Variants in C19orf84 observed in about 807,000 individuals in gnomAD.
The protein encoded by C19orf84 is piRNA-mediated silencing protein C19orf84.
In C19orf84, 1 loss-of-function variant was observed where a neutral mutation model predicts 4.0. The ratio of observed to expected loss-of-function variants is 0.25; its 90% CI spans 0.09 to 1.19. The LOEUF is 1.19. Ranked by LOEUF, C19orf84 falls within the 50% of genes most tolerant of loss-of-function variation. C19orf84 has a pLI of 0.50. For missense variants in C19orf84, 224 were observed against 246.8 expected (o/e 0.91, Z 0.62); for synonymous variants, 123 against 109.6 (o/e 1.12, Z -0.76).
rs557494220 is a variant in C19orf84, at chr19:51,389,257, C to T, written c.288G>A (p.Pro96=). Residue 96 remains proline (P), a synonymous_variant, in exon 2 of 2, where the codon CCG becomes CCA. Coordinates refer to ENST00000574814, the MANE Select transcript of C19orf84 (RefSeq NM_001193623.2). This position sits in a 1 kb window ranked among gnomAD's most constrained non-coding sequence, Gnocchi z 4.7. ...CCCTGGGAGGCCTCCTAACTGCCCC[C>T]GGCTGGGAGTGGCCTGCCTGGGAGC... ...PCCSQAGHSQ[P]GAVRRPPRGR... is the part of the protein sequence containing the mutation. 9.1e-6 allele frequency: 14 copies of T among 1,535,502 alleles called. No individual in the cohort carries two copies. The highest frequency in any genetic ancestry group is 2.4e-5 in the South Asian group (2 of 84,020).
chr19:51,388,926 G>C lies in C19orf84; in HGVS notation c.*58C>G. The C allele has an allele frequency of 6.6e-7, 1 of 1,517,122 alleles. No individual in the cohort carries two copies. Among genetic ancestry groups the C allele is most frequent in the African/African-American group, 1.4e-5 (1 of 72,544 alleles). The allele number at this position is 1,517,122 out of a possible 1,614,324, so 94.0% of individuals were successfully genotyped here. A position where few individuals can be genotyped will look rare whatever the true frequency, so the allele number is the denominator to read the frequency against. On this transcript the variant is annotated 3_prime_UTR_variant, in exon 2 of 2. Coordinates refer to ENST00000574814, the MANE Select transcript of C19orf84 (RefSeq NM_001193623.2). ...TTCTGACAGGGCTGAGATCACTCTG[G>C]GCCCCAGGAAAACCCTCCTGGGTGA... is the stretch of plus-strand genomic sequence containing the variant.
chr19:51,390,507 T>G lies in C19orf84; in HGVS notation c.6A>C (p.Glu2Asp). ...CAGGCCCAGCCCCGTCCTTTGGTTG[T>G]TCCATCTCCACTGGGGCCCTCTTAC... Reference protein sequence around the residue: MEQPKDGAGPEG... With the variant: MDQPKDGAGPEG... The change falls in exon 1 of 2, where the codon GAA becomes GAC. Residue 2 changes from glutamate to aspartate, a missense_variant. Physicochemically the swap from Glu to Asp is conservative, Grantham distance 45 (BLOSUM62 2). Transcript: ENST00000574814. 1 of 1,532,448 alleles carries G rather than the reference T, an allele frequency of 6.5e-7. No homozygotes were observed. Among genetic ancestry groups the G allele is most frequent in the Non-Finnish European group, 8.7e-7 (1 of 1,144,994 alleles). The allele number at this position is 1,532,448 out of a possible 1,614,324, so 94.9% of individuals were successfully genotyped here. A position where few individuals can be genotyped will look rare whatever the true frequency, so the allele number is the denominator to read the frequency against.
At position 51,389,594 on chromosome 19, in the gene C19orf84, G is replaced by T. The variant is rs987208288; in HGVS notation, c.36-85C>A. On this transcript the variant is annotated intron_variant, in intron 1 of 1. Transcript: ENST00000574814. This position sits in a 1 kb window ranked among gnomAD's most constrained non-coding sequence, Gnocchi z 4.7. ...GCTGCCAGGCTGTCTCTGCACCTCT[G>T]CAGAAGGCAGCCATCTCTCCATCCT... 3 of 1,178,918 alleles carry T rather than the reference G, an allele frequency of 2.5e-6. No individual in the cohort carries two copies. The highest frequency in any genetic ancestry group is 3.3e-6 in the Non-Finnish European group (3 of 910,642). 73.0% of individuals were successfully genotyped at this position (1,178,918 alleles called of 1,614,324 possible).
At position 51,389,197 on chromosome 19, in the gene C19orf84, G is replaced by A. The variant is rs1443510930; in HGVS notation, c.348C>T (p.Gly116=). 3 of 1,534,554 alleles carry A rather than the reference G, an allele frequency of 2.0e-6. No individual in the cohort carries two copies. In the Admixed American group the frequency reaches 5.9e-5, roughly 30 times the overall value. Residue 116 remains glycine (G), a synonymous_variant, in exon 2 of 2, where the codon GGC becomes GGT. Coordinates refer to ENST00000574814, the MANE Select transcript of C19orf84 (RefSeq NM_001193623.2). The surrounding 1 kb of genome is among the most constrained non-coding windows in gnomAD (Gnocchi z 4.7). ...CCCGTCGATGCAGGCCTCGGCCCCA[G>A]CCTGGCCTGTGCCTGACTTCCCAGC... is the stretch of plus-strand genomic sequence containing the variant. The part of the protein sequence containing the change: ...RGGWEVRHRP[G]WGRGLHRRGL...
rs1426945713 is a variant in C19orf84 at position 51,389,391 on chromosome 19, C to G, written c.154G>C (p.Val52Leu). Residue 52 changes from valine (V) to leucine (L), a missense_variant, in exon 2 of 2, where the codon GTG becomes CTG. Transcript: ENST00000574814. The surrounding 1 kb of genome is among the most constrained non-coding windows in gnomAD (Gnocchi z 4.7). ...CGTATGGGCACGGTGACAGAGGCCA[C>G]GCTCTCCGGGAGCCCCAGGTGGGTG... is the stretch of plus-strand genomic sequence containing the variant. ...DPTHLGLPES[V>L]ASVTVPIRLD... 6.7e-7 allele frequency: 1 copy of G among 1,502,450 alleles called. No homozygotes were observed. The highest frequency in any genetic ancestry group is 1.3e-5 in the South Asian group (1 of 79,562). 93.1% of individuals were successfully genotyped at this position (1,502,450 alleles called of 1,614,324 possible). A position where few individuals can be genotyped will look rare whatever the true frequency, so the allele number is the denominator to read the frequency against.
At chr19:51,390,116 T>A (rs1987264349) in intron 1 of C19orf84, among the ~76,000 whole-genome samples, 1 of 152,016 alleles carries the variant, frequency 6.6e-6, no homozygotes, top group Admixed American at 6.6e-5. Context: ...GTACCTGGGA[T>A]TACAGGCACG....
At position 51,389,519 on chromosome 19, in the gene C19orf84, C is replaced by T. The variant is rs1301524961; in HGVS notation, c.36-10G>A. On this transcript the variant is annotated splice_polypyrimidine_tract_variant and intron_variant, in intron 1 of 1. Transcript: ENST00000574814. This position sits in a 1 kb window ranked among gnomAD's most constrained non-coding sequence, Gnocchi z 4.7. Reference sequence around the variant, plus strand: ...CAGGGACAGGTTGTTCCTAGAACAACAAAAAGACAGGTCAGTGGGGCTCAG... The same window carrying T: ...CAGGGACAGGTTGTTCCTAGAACAATAAAAAGACAGGTCAGTGGGGCTCAG... 4 of 1,410,766 alleles carry T rather than the reference C, an allele frequency of 2.8e-6. No individual in the cohort carries two copies. Among genetic ancestry groups the T allele is most frequent in the Non-Finnish European group, 9.2e-7 (1 of 1,086,642 alleles). 87.4% of individuals were successfully genotyped at this position (1,410,766 alleles called of 1,614,324 possible).
At position 51,389,508 on chromosome 19, in the gene C19orf84, T is replaced by C; in HGVS notation, c.37A>G (p.Asn13Asp). 7.1e-7 allele frequency: 1 copy of C among 1,417,210 alleles called. No individual in the cohort carries two copies. Among genetic ancestry groups the C allele is most frequent in the Non-Finnish European group, 9.2e-7 (1 of 1,089,964 alleles). 87.8% of individuals were successfully genotyped at this position (1,417,210 alleles called of 1,614,324 possible). A position where few individuals can be genotyped will look rare whatever the true frequency, so the allele number is the denominator to read the frequency against. Residue 13 changes from asparagine (N) to aspartate (D), a missense_variant and splice_region_variant, in exon 2 of 2, where the codon AAC becomes GAC. Physicochemically the swap from Asn to Asp is conservative, Grantham distance 23 (BLOSUM62 1). Transcript: ENST00000574814. The surrounding 1 kb of genome is among the most constrained non-coding windows in gnomAD (Gnocchi z 4.7). ...CCAGATGACGGCAGGGACAGGTTGTTCCTAGAACAACAAAAAGACAGGTCA... is the reference window on the plus strand; with the variant it reads ...CCAGATGACGGCAGGGACAGGTTGTCCCTAGAACAACAAAAAGACAGGTCA... ...QPKDGAGPEG[N>D]NLSLPSSGTE...
At position 51,390,530 on chromosome 19, in the gene C19orf84, T is replaced by TA. The variant is rs1342999960; in HGVS notation, c.-19dup. 2.0e-6 allele frequency: 3 copies of TA among 1,523,444 alleles called. No homozygotes were observed. The highest frequency in any genetic ancestry group is 2.5e-5 in the East Asian group (1 of 39,768). The allele number at this position is 1,523,444 out of a possible 1,614,324, so 94.4% of individuals were successfully genotyped here. ...TGTTCCATCTCCACTGGGGCCCTCT[T>TA]ACGTATCTTCTAGCAACTTCGCCTC... On this transcript the variant is annotated 5_prime_UTR_variant, in exon 1 of 2. Transcript: ENST00000574814.
In C19orf84 at chr19:51,388,776, T is replaced by G. The variant is rs1987176221; in HGVS notation, c.*208A>C. 2 of 608,602 alleles carry G rather than the reference T, an allele frequency of 3.3e-6. No individual in the cohort carries two copies. Among genetic ancestry groups the G allele is most frequent in the Non-Finnish European group, 5.7e-6 (2 of 349,438 alleles). 37.7% of individuals were successfully genotyped at this position (608,602 alleles called of 1,614,324 possible). ...AAGGAGACAGGTTTGGGTACGAGGT[T>G]TAGGATTTTCTTCTCACTTGGGATT... is the stretch of plus-strand genomic sequence containing the variant. On this transcript the variant is annotated 3_prime_UTR_variant, in exon 2 of 2. Coordinates refer to ENST00000574814, the MANE Select transcript of C19orf84 (RefSeq NM_001193623.2).
chr19:51,388,796 G>T lies in C19orf84; in HGVS notation c.*188C>A. 1 of 641,202 alleles carries T rather than the reference G, an allele frequency of 1.6e-6. No homozygotes were observed. The highest frequency in any genetic ancestry group is 2.7e-6 in the Non-Finnish European group (1 of 376,624). The allele number at this position is 641,202 out of a possible 1,614,324, so 39.7% of individuals were successfully genotyped here. A position where few individuals can be genotyped will look rare whatever the true frequency, so the allele number is the denominator to read the frequency against. On this transcript the variant is annotated 3_prime_UTR_variant, in exon 2 of 2. Coordinates refer to ENST00000574814, the MANE Select transcript of C19orf84 (RefSeq NM_001193623.2). ...GAGGTTTAGGATTTTCTTCTCACTTGGGATTCAGGTGACTTAGGTCAGGTT... is the reference window on the plus strand; with the variant it reads ...GAGGTTTAGGATTTTCTTCTCACTTTGGATTCAGGTGACTTAGGTCAGGTT...
At chr19:51,390,395 C>T (rs1162954297) in intron 1 of C19orf84, 83 bp downstream of exon 1, 2 of 1,399,086 alleles carry the variant, frequency 1.4e-6, no homozygotes, top group African/African-American at 1.5e-5. Flanking sequence ...GTCTGTTCAG[C>T]GCGCCCTTTC....
chr19:51,390,556 C>T lies in C19orf84; in HGVS notation c.-44G>A, dbSNP rs1159053598. On this transcript the variant is annotated 5_prime_UTR_variant, in exon 1 of 2. Coordinates refer to ENST00000574814, the MANE Select transcript of C19orf84 (RefSeq NM_001193623.2). ...ACGTATCTTCTAGCAACTTCGCCTCCGAGATCCTTCGGGGGCCCGGGAAGG... is the reference window on the plus strand; with the variant it reads ...ACGTATCTTCTAGCAACTTCGCCTCTGAGATCCTTCGGGGGCCCGGGAAGG... The T allele has an allele frequency of 1.3e-6, 2 of 1,510,404 alleles. No homozygotes were observed. The highest frequency in any genetic ancestry group is 1.8e-6 in the Non-Finnish European group (2 of 1,132,526). 93.6% of individuals were successfully genotyped at this position (1,510,404 alleles called of 1,614,324 possible).
In C19orf84 at chr19:51,388,740, T is replaced by C; in HGVS notation, c.*244A>G. On this transcript the variant is annotated 3_prime_UTR_variant, in exon 2 of 2. Coordinates refer to ENST00000574814, the MANE Select transcript of C19orf84 (RefSeq NM_001193623.2). ...GTTGGGGATGGCATTGGGAATGGGGTTGAGGCCATCAAGGAGACAGGTTTG... is the reference window on the plus strand; with the variant it reads ...GTTGGGGATGGCATTGGGAATGGGGCTGAGGCCATCAAGGAGACAGGTTTG... 1.8e-6 allele frequency: 1 copy of C among 561,364 alleles called. No homozygotes were observed. The highest frequency in any genetic ancestry group is 3.2e-6 in the Non-Finnish European group (1 of 316,030). 34.8% of individuals were successfully genotyped at this position (561,364 alleles called of 1,614,324 possible).
chr19:51,389,374 C>A lies in C19orf84; in HGVS notation c.171G>T (p.Val57=). 6.6e-7 allele frequency: 1 copy of A among 1,516,524 alleles called. No homozygotes were observed. The highest frequency in any genetic ancestry group is 8.8e-7 in the Non-Finnish European group (1 of 1,136,082). The allele number at this position is 1,516,524 out of a possible 1,614,324, so 93.9% of individuals were successfully genotyped here. Residue 57 remains valine (V), a synonymous_variant, in exon 2 of 2, where the codon GTG becomes GTT. Transcript: ENST00000574814. This position sits in a 1 kb window ranked among gnomAD's most constrained non-coding sequence, Gnocchi z 4.7. ...AGGAGAGGGTGTCCAGGCGTATGGG[C>A]ACGGTGACAGAGGCCACGCTCTCCG... ...GLPESVASVT[V]PIRLDTLSCL...
rs1987202245 is a variant in C19orf84 at position 51,389,172 on chromosome 19, CCCGT to C, written c.369_372del (p.Arg124AlafsTer25). 6.5e-7 allele frequency: 1 copy of C among 1,535,438 alleles called. No individual in the cohort carries two copies. The highest frequency in any genetic ancestry group is 1.2e-5 in the South Asian group (1 of 84,028). Reference sequence around the variant, plus strand: ...TCTGGCTGCTCAGCTCTCCCAAGGCCCCGTCGATGCAGGCCTCGGCCCCAGCCTG... The same window carrying C: ...TCTGGCTGCTCAGCTCTCCCAAGGCCCGATGCAGGCCTCGGCCCCAGCCTG... On this transcript the variant is annotated frameshift_variant, in exon 2 of 2. Coordinates refer to ENST00000574814, the MANE Select transcript of C19orf84 (RefSeq NM_001193623.2). LOFTEE classifies it low-confidence loss of function (END_TRUNC). This position sits in a 1 kb window ranked among gnomAD's most constrained non-coding sequence, Gnocchi z 4.7.
rs1164799189 is a variant in C19orf84, at chr19:51,389,457, G to A, written c.88C>T (p.Leu30Phe). 4 of 1,444,542 alleles carry A rather than the reference G, an allele frequency of 2.8e-6. No individual in the cohort carries two copies. Among genetic ancestry groups the A allele is most frequent in the Non-Finnish European group, 3.6e-6 (4 of 1,102,996 alleles). 89.5% of individuals were successfully genotyped at this position (1,444,542 alleles called of 1,614,324 possible). The change falls in exon 2 of 2, where the codon CTC (leucine) becomes TTC (phenylalanine). Residue 30 changes from leucine (L) to phenylalanine (F), a missense_variant. Physicochemically the swap from Leu to Phe is conservative, Grantham distance 22 (BLOSUM62 0). Coordinates refer to ENST00000574814, the MANE Select transcript of C19orf84 (RefSeq NM_001193623.2). The surrounding 1 kb of genome is among the most constrained non-coding windows in gnomAD (Gnocchi z 4.7). The stretch of plus-strand genomic sequence containing the variant: ...AGGAGCAAGGGTGGAGGGGCTGGGA[G>A]AGGCGCAGGGGGCCATGGCTCGGTC... ...SGTEPWPPAPLPAPPPLLLNS... is the reference protein window; with the variant it reads ...SGTEPWPPAPFPAPPPLLLNS...
In C19orf84 at chr19:51,389,367, G is replaced by T. The variant is rs1267921697; in HGVS notation, c.178C>A (p.Arg60Ser). 5 of 1,521,524 alleles carry T rather than the reference G, an allele frequency of 3.3e-6. No homozygotes were observed. Among genetic ancestry groups the T allele is most frequent in the Non-Finnish European group, 4.4e-6 (5 of 1,138,880 alleles). The allele number at this position is 1,521,524 out of a possible 1,614,324, so 94.3% of individuals were successfully genotyped here. Residue 60 changes from arginine (R) to serine (S), a missense_variant, in exon 2 of 2, where the codon CGC (arginine) becomes AGC (serine). Physicochemically the swap from Arg to Ser is moderately radical, Grantham distance 110. Transcript: ENST00000574814. The surrounding 1 kb of genome is among the most constrained non-coding windows in gnomAD (Gnocchi z 4.7). ...ESVASVTVPI[R>S]LDTLSCLLHS... is the part of the protein sequence containing the mutation. ...AGGAGGCAGGAGAGGGTGTCCAGGCGTATGGGCACGGTGACAGAGGCCACG... is the reference window on the plus strand; with the variant it reads ...AGGAGGCAGGAGAGGGTGTCCAGGCTTATGGGCACGGTGACAGAGGCCACG...
Position 51,388,737 on chromosome 19 carries a change from G to C in C19orf84, c.*247C>G. 1 of 559,668 alleles carries C rather than the reference G, an allele frequency of 1.8e-6. No homozygotes were observed. The highest frequency in any genetic ancestry group is 3.2e-6 in the Non-Finnish European group (1 of 314,848). The allele number at this position is 559,668 out of a possible 1,614,324, so 34.7% of individuals were successfully genotyped here. ...GTGGTTGGGGATGGCATTGGGAATG[G>C]GGTTGAGGCCATCAAGGAGACAGGT... On this transcript the variant is annotated 3_prime_UTR_variant, in exon 2 of 2. Transcript: ENST00000574814.
Sources: gnomAD v4.1 joint callset for allele counts (sites outside exome capture counted in the v4.1 genomes callset) on GRCh38, gnomAD v4.1.1 for gene constraint, Gnocchi (gnomAD v3.1) non-coding constraint, MANE v1.5 for transcripts, NCBI Gene and HGNC (gene_info 2026-07-23, HGNC 2026-07-21) for gene names.